KCNAB1: variants seen among roughly 807,000 people sequenced by gnomAD.
KCNAB1 encodes the protein voltage-gated potassium channel subunit beta-1.
KCNAB1 carries 35 observed loss-of-function variants against 64.6 expected under a neutral mutation model. That is an observed-to-expected ratio of 0.54 (90% CI 0.41 to 0.72). The LOEUF (loss-of-function observed/expected upper bound fraction) is 0.72, where lower values mean the gene tolerates loss of function less well. Among genes scored for constraint, KCNAB1 ranks in the 30% least tolerant of loss-of-function variants. The pLI is 0.00. For missense variants in KCNAB1, 401 were observed against 512.9 expected (o/e 0.78, Z 2.11); for synonymous variants, 177 against 183.8 (o/e 0.96, Z 0.30).
chr3:156,347,218 G>A (rs1357379323), intron 1 of KCNAB1, among the ~76,000 whole-genome samples: 1 of 152,166 alleles, frequency 6.6e-6, no homozygotes, highest in African/African-American at 2.4e-5. Context: ...TATTTGTGTT[G>A]AGACAAAGGA....
chr3:156,486,244 T>C lies in KCNAB1; in HGVS notation c.658+11424T>C, dbSNP rs7611401. ...CCTGATTCCATCAGCTCCTCTTTCT[T>C]TAGGAGTTGGTTTTCTTCTACAAAG... On this transcript the variant is annotated intron_variant, in intron 8 of 13. Coordinates refer to ENST00000490337, the MANE Select transcript of KCNAB1 (RefSeq NM_172160.3). Among the ~76,000 whole-genome samples the C allele has an allele frequency of 6.7e-3, 1,014 of 152,226 alleles. 14 individuals are homozygous for C. Among genetic ancestry groups the C allele is most frequent in the African/African-American group, 0.023 (974 of 41,538 alleles).
intron 1 of KCNAB1, among the ~76,000 whole-genome samples, chr3:156,171,187 G>GCACACACACACACACACACACA (rs147202221): frequency 2.8e-5 from 4 of 142,738 alleles, no homozygotes; most frequent in Admixed American, 7.0e-5. Context: ...GAAACTTCAC[G>GCACACACACACACACACACACA]CACACATACA....
At chr3:156,370,653 T>C (rs936235709) in intron 1 of KCNAB1, among the ~76,000 whole-genome samples, 1 of 152,214 alleles carries the variant, frequency 6.6e-6, no homozygotes, top group Non-Finnish European at 1.5e-5. Flanking sequence ...GGTTGGCTCC[T>C]GAGCTCCACA....
intron 11 of KCNAB1, among the ~76,000 whole-genome samples, chr3:156,521,458 C>A (rs1413110545): frequency 2.0e-5 from 3 of 152,196 alleles, no homozygotes; most frequent in African/African-American, 7.2e-5. Flanking sequence ...CTCCTCCTTG[C>A]CAGCCATAAG....
chr3:156,119,930 A>G (rs550360689), upstream of KCNAB1, among the ~76,000 whole-genome samples: 105 of 152,046 alleles, frequency 6.9e-4, no homozygotes, highest in Non-Finnish European at 1.4e-3. Flanking sequence ...CAATTATCAG[A>G]TGATTCTCAT....
At chr3:156,253,041 A>G (rs999071391) in intron 1 of KCNAB1, among the ~76,000 whole-genome samples, 2 of 152,182 alleles carry the variant, frequency 1.3e-5, no homozygotes, top group African/African-American at 4.8e-5. Flanking sequence ...AAATTAACCT[A>G]TTATTGAATG....
At chr3:156,463,913 A>C (rs778129962) in intron 6 of KCNAB1, among the ~76,000 whole-genome samples, 167 bp downstream of exon 6, 2 of 151,856 alleles carry the variant, frequency 1.3e-5, no homozygotes, top group Non-Finnish European at 2.9e-5. Flanking sequence ...TTAGCCTAAG[A>C]TTTCATTTTA....
At chr3:156,250,737 G>T (rs1312090027) in intron 1 of KCNAB1, among the ~76,000 whole-genome samples, 1 of 152,146 alleles carries the variant, frequency 6.6e-6, no homozygotes, top group Non-Finnish European at 1.5e-5. Flanking sequence ...GTGGAAAGGG[G>T]ATTTGCCCTG....
rs572038470 is a variant in KCNAB1, at chr3:156,134,654, A to C, written c.275+13768A>C. Among the ~76,000 whole-genome samples, 23 of 152,374 alleles carry C rather than the reference A, an allele frequency of 1.5e-4. 1 individual carries two copies. In the South Asian group the frequency reaches 2.7e-3, roughly 18 times the overall value. On this transcript the variant is annotated intron_variant, in intron 1 of 13. Transcript: ENST00000490337. ...AAATGTCAAATGCTGAAATTACTTC[A>C]AGTTTATGTTTATCTTGGAATAAAC...
intron 1 of KCNAB1, among the ~76,000 whole-genome samples, chr3:156,139,866 T>C (rs1016610286): frequency 6.6e-6 from 1 of 152,134 alleles, no homozygotes; most frequent in African/African-American, 2.4e-5. Flanking sequence ...GCTTATAATC[T>C]GGATGGGGAG....
intron 8 of KCNAB1, among the ~76,000 whole-genome samples, chr3:156,512,586 A>T (rs1018952473): frequency 4.6e-5 from 7 of 152,266 alleles, no homozygotes; most frequent in Non-Finnish European, 1.0e-4. Flanking sequence ...GAGCTGGTGC[A>T]GTGATGGAGA....
chr3:156,216,906 T>C (rs751503472), intron 1 of KCNAB1: 9 of 152,324 alleles, frequency 5.9e-5, no homozygotes, highest in African/African-American at 1.9e-4. Flanking sequence ...ATCCCCAGTA[T>C]GAAGTGATTT....
chr3:156,182,753 C>T (rs1047618133), intron 1 of KCNAB1, among the ~76,000 whole-genome samples: 1 of 145,314 alleles, frequency 6.9e-6, no homozygotes, highest in African/African-American at 2.5e-5. Flanking sequence ...GGTTGGAGTG[C>T]ACTGGTGCCA....
At chr3:156,144,354 G>C (rs755317619) in intron 1 of KCNAB1, among the ~76,000 whole-genome samples, 2 of 152,152 alleles carry the variant, frequency 1.3e-5, no homozygotes, top group Non-Finnish European at 2.9e-5. Context: ...CAGTGTAGTA[G>C]CTGCTGCTCT....
intron 8 of KCNAB1, among the ~76,000 whole-genome samples, chr3:156,507,702 C>T (rs4257505): frequency 0.057 from 8,650 of 152,174 alleles, 299 homozygotes; most frequent in Non-Finnish European, 0.073. Flanking sequence ...AACAGCTGAC[C>T]TGAAGTAAAA....
At chr3:156,381,264 T>C (rs1712138216) in intron 1 of KCNAB1, among the ~76,000 whole-genome samples, 1 of 152,156 alleles carries the variant, frequency 6.6e-6, no homozygotes, top group Non-Finnish European at 1.5e-5. Flanking sequence ...GGTTAAAGGA[T>C]GGACATTTCT....
chr3:156,192,960 G>A (rs760569457), intron 1 of KCNAB1, among the ~76,000 whole-genome samples: 1 of 151,722 alleles, frequency 6.6e-6, no homozygotes, highest in Admixed American at 6.6e-5. Flanking sequence ...CTTTCTAATT[G>A]GGTTTAATTA....
At chr3:156,173,243 G>A (rs1712126424) in intron 1 of KCNAB1, among the ~76,000 whole-genome samples, 1 of 152,154 alleles carries the variant, frequency 6.6e-6, no homozygotes, top group Admixed American at 6.5e-5. Flanking sequence ...AAGAAGCTCA[G>A]CCCTGATTTC....
At chr3:156,395,684 C>T (rs1459593410) in intron 1 of KCNAB1, among the ~76,000 whole-genome samples, 1 of 148,620 alleles carries the variant, frequency 6.7e-6, no homozygotes, top group Non-Finnish European at 1.5e-5. Context: ...TTATTTTTTC[C>T]TCCTAAGGGA....
Sources: gnomAD v4.1 joint callset for allele counts (sites outside exome capture counted in the v4.1 genomes callset) on GRCh38, gnomAD v4.1.1 for gene constraint, MANE v1.5 for transcripts, NCBI Gene and HGNC (gene_info 2026-07-23, HGNC 2026-07-21) for gene names.